TEAD1: variants seen among roughly 807,000 people sequenced by gnomAD.
The protein encoded by TEAD1 is TEA domain transcription factor 1.
Under a neutral mutation model 54.9 loss-of-function variants are expected in TEAD1, and 9 were observed. That is an observed-to-expected ratio of 0.16 (90% CI 0.10 to 0.29). TEAD1 has a LOEUF of 0.29. Among genes scored for constraint, TEAD1 ranks in the 10% least tolerant of loss-of-function variants. TEAD1 has a pLI of 1.00. For missense variants in TEAD1, 387 were observed against 535.9 expected (o/e 0.72, Z 2.74); for synonymous variants, 200 against 187.8 (o/e 1.07, Z -0.53).
intron 2 of TEAD1, among the ~76,000 whole-genome samples, chr11:12,737,485 A>G (rs1209867336): frequency 6.6e-6 from 1 of 152,164 alleles, no homozygotes; most frequent in Non-Finnish European, 1.5e-5. Context: ...TGTGTCCTCT[A>G]CTTACAACTG....
chr11:12,866,065 T>C (rs1472374675), intron 5 of TEAD1, among the ~76,000 whole-genome samples: 2 of 152,212 alleles, frequency 1.3e-5, no homozygotes. Context: ...GTGTGCCCTC[T>C]GCAGTGGGCA....
At chr11:12,721,364 C>G (rs975173896) in intron 2 of TEAD1, among the ~76,000 whole-genome samples, 1 of 152,178 alleles carries the variant, frequency 6.6e-6, no homozygotes, top group African/African-American at 2.4e-5. Flanking sequence ...ATTTATGCAA[C>G]CACTGTGTAT....
At chr11:12,799,856 A>G (rs1946013231) in intron 3 of TEAD1, among the ~76,000 whole-genome samples, 2 of 152,140 alleles carry the variant, frequency 1.3e-5, no homozygotes, top group Admixed American at 6.5e-5. Context: ...TTTTAAACTT[A>G]TATCCCAAGC....
intron 3 of TEAD1, among the ~76,000 whole-genome samples, chr11:12,830,824 G>T (rs1041176639): frequency 6.6e-6 from 1 of 151,978 alleles, no homozygotes; most frequent in Non-Finnish European, 1.5e-5. Flanking sequence ...AGGGAAAAAC[G>T]AGCCAGTTTT....
rs529284452 is a variant in TEAD1 at position 12,911,570 on chromosome 11, GATGAA to G, written c.873+9462_873+9466del. 2.1e-3 allele frequency among the ~76,000 whole-genome samples: 324 copies of G among 152,192 alleles called. 9 individuals are homozygous for G. Among genetic ancestry groups the G allele is most frequent in the Admixed American group, 0.019 (287 of 15,296 alleles). On this transcript the variant is annotated intron_variant, in intron 10 of 12. Coordinates refer to ENST00000527636, the MANE Select transcript of TEAD1 (RefSeq NM_021961.6). ...TAAAGTTAACTGAACAATATTAAGT[GATGAA>G]ATGATTTAAGTAGAAGAAAGATTAG...
intron 5 of TEAD1, among the ~76,000 whole-genome samples, chr11:12,874,834 G>A (rs942621722): frequency 2.0e-5 from 3 of 152,086 alleles, no homozygotes; most frequent in Non-Finnish European, 2.9e-5. Flanking sequence ...AGTTGGAAAA[G>A]GGAGATTTCC....
chr11:12,877,460 C>G (rs1947874653), intron 5 of TEAD1, among the ~76,000 whole-genome samples: 1 of 152,168 alleles, frequency 6.6e-6, no homozygotes, highest in African/African-American at 2.4e-5. Context: ...CGAGACCAGC[C>G]TGGCCAACAT....
chr11:12,794,282 A>G (rs1187051196), intron 3 of TEAD1, among the ~76,000 whole-genome samples: 3 of 152,168 alleles, frequency 2.0e-5, no homozygotes, highest in East Asian at 1.9e-4. Context: ...GGTCTGGTCT[A>G]TGTCATGTTC....
At chr11:12,694,814 C>T (rs1943545116) in intron 2 of TEAD1, among the ~76,000 whole-genome samples, 1 of 152,286 alleles carries the variant, frequency 6.6e-6, no homozygotes, top group Non-Finnish European at 1.5e-5. Flanking sequence ...CTTCTCCCCC[C>T]TACTGTAGGT....
chr11:12,766,886 A>G (rs1443187475), intron 3 of TEAD1, among the ~76,000 whole-genome samples: 4 of 152,126 alleles, frequency 2.6e-5, no homozygotes, highest in Non-Finnish European at 2.9e-5. Flanking sequence ...GTGTATCCTA[A>G]TTGGGGCTCA....
In TEAD1 at chr11:12,700,282, A is replaced by G. The variant is rs983012939; in HGVS notation, c.-55+24721A>G. On this transcript the variant is annotated intron_variant, in intron 2 of 12. Coordinates refer to ENST00000527636, the MANE Select transcript of TEAD1 (RefSeq NM_021961.6). ...TCTTCATTCATTTTTATAACTCTTA[A>G]CAACTTTGGACTTTTTCTTCCATAA... Among the ~76,000 whole-genome samples, 3 of 152,296 alleles carry G rather than the reference A, an allele frequency of 2.0e-5. No homozygotes were observed. The South Asian group carries it at 6.2e-4, about 32-fold the overall frequency.
In TEAD1 at chr11:12,719,979, TTTTTTTTTTTTTTTTG is replaced by T. The variant is rs1564917656; in HGVS notation, c.-54-44199_-54-44184del. The stretch of plus-strand genomic sequence containing the variant: ...TTTTTTTTTTTTTTTTTTTTTTTTT[TTTTTTTTTTTTTTTTG>T]GGGGGGGACCCAGCCATGCTGTGTC... On this transcript the variant is annotated intron_variant, in intron 2 of 12. Transcript: ENST00000527636. Among the ~76,000 whole-genome samples, 76 of 55,946 alleles carry T rather than the reference TTTTTTTTTTTTTTTTG, an allele frequency of 1.4e-3. 2 individuals are homozygous for T. Among genetic ancestry groups the T allele is most frequent in the South Asian group, 5.3e-3 (9 of 1,706 alleles). The allele number at this position is 55,946 out of a possible 152,430, so 36.7% of individuals were successfully genotyped here.
At chr11:12,788,631 T>G (rs2133958367) in intron 3 of TEAD1, among the ~76,000 whole-genome samples, 2 of 152,174 alleles carry the variant, frequency 1.3e-5, no homozygotes, top group South Asian at 2.1e-4. Context: ...TTCACCAGAG[T>G]TGTGAAGCAT....
rs184696208 is a variant in TEAD1 at position 12,846,378 on chromosome 11, G to C, written c.203-15872G>C. Among the ~76,000 whole-genome samples, 3 of 152,228 alleles carry C rather than the reference G, an allele frequency of 2.0e-5. No homozygotes were observed. In the East Asian group the frequency reaches 5.8e-4, roughly 29 times the overall value. On this transcript the variant is annotated intron_variant, in intron 3 of 12. Transcript: ENST00000527636. The stretch of plus-strand genomic sequence containing the variant: ...GGCATCTTGCTTGTTGGTTTAAACT[G>C]CTTAAGCGGTTGTTGACTTGTGGAA...
At chr11:12,897,626 T>G (rs1948337907) in intron 9 of TEAD1, among the ~76,000 whole-genome samples, 1 of 152,230 alleles carries the variant, frequency 6.6e-6, no homozygotes, top group Non-Finnish European at 1.5e-5. Flanking sequence ...GTAGAGACAG[T>G]GCCCAGTTTC....
intron 3 of TEAD1, among the ~76,000 whole-genome samples, chr11:12,830,926 T>A (rs1564955638): frequency 6.6e-6 from 1 of 152,094 alleles, no homozygotes; most frequent in East Asian, 1.9e-4. Context: ...CTATCCTCCC[T>A]CTGGCTGGGT....
At position 12,797,106 on chromosome 11, in the gene TEAD1, A is replaced by G. The variant is rs534173748; in HGVS notation, c.202+32672A>G. 5.9e-4 allele frequency among the ~76,000 whole-genome samples: 90 copies of G among 152,108 alleles called. 1 individual carries two copies. The highest frequency in any genetic ancestry group is 9.3e-4 in the Non-Finnish European group (63 of 67,992). On this transcript the variant is annotated intron_variant, in intron 3 of 12. Coordinates refer to ENST00000527636, the MANE Select transcript of TEAD1 (RefSeq NM_021961.6). ...CCAGCCTGGGAAACAGCAAGACTCC[A>G]TCTCAAAACACAAAAAACCTACAGA...
chr11:12,765,598 A>AT, intron 3 of TEAD1, among the ~76,000 whole-genome samples: 1 of 152,314 alleles, frequency 6.6e-6, no homozygotes. Context: ...GAGAAAGCAG[A>AT]TGGTGGTGCA....
At chr11:12,854,644 T>C (rs1292314214) in intron 3 of TEAD1, among the ~76,000 whole-genome samples, 1 of 151,916 alleles carries the variant, frequency 6.6e-6, no homozygotes, top group African/African-American at 2.4e-5. Context: ...CAGGCTGGAG[T>C]ACAGTGGTGT....
Sources: gnomAD v4.1 joint callset for allele counts (sites outside exome capture counted in the v4.1 genomes callset) on GRCh38, gnomAD v4.1.1 for gene constraint, MANE v1.5 for transcripts, NCBI Gene and HGNC (gene_info 2026-07-23, HGNC 2026-07-21) for gene names.